Variants in IMMP2L observed in about 807,000 individuals in gnomAD.
IMMP2L encodes the protein mitochondrial inner membrane protease subunit 2.
Under a neutral mutation model 19.3 loss-of-function variants are expected in IMMP2L, and 18 were observed. The observed-to-expected ratio is 0.93, with a 90% CI of 0.64 to 1.38. IMMP2L has a LOEUF of 1.38. IMMP2L is among the 40% of genes most tolerant of loss of function. IMMP2L has a pLI of 0.00. For synonymous variants in IMMP2L, 76 were observed against 73.0 expected, an observed-to-expected ratio of 1.04 and a Z score of -0.21; for missense variants, 233 against 218.2, an observed-to-expected ratio of 1.07 and a Z score of -0.43.
At chr7:111,219,553 A>C (rs1812302398) in intron 3 of IMMP2L, among the ~76,000 whole-genome samples, 1 of 152,068 alleles carries the variant, frequency 6.6e-6, no homozygotes, top group African/African-American at 2.4e-5. Context: ...CATATTATTC[A>C]AATTAAGTGA....
At chr7:111,166,075 GC>G (rs1805782609) in intron 3 of IMMP2L, among the ~76,000 whole-genome samples, 2 of 151,906 alleles carry the variant, frequency 1.3e-5, no homozygotes, top group Non-Finnish European at 2.9e-5. Flanking sequence ...GAAAAAAGTA[GC>G]AATTCATATT....
intron 5 of IMMP2L, among the ~76,000 whole-genome samples, chr7:110,809,385 G>T (rs1338373613): frequency 1.3e-5 from 2 of 151,910 alleles, no homozygotes; most frequent in Non-Finnish European, 2.9e-5. Flanking sequence ...TAGCAAGAAA[G>T]ACCAAAATAT....
chr7:111,127,240 A>G (rs1260584180), intron 3 of IMMP2L, among the ~76,000 whole-genome samples: 1 of 152,182 alleles, frequency 6.6e-6, no homozygotes, highest in African/African-American at 2.4e-5. Flanking sequence ...AGCTTTACAG[A>G]GCTCAGCTAT....
At chr7:110,772,480 A>C (rs1799102721) in intron 5 of IMMP2L, among the ~76,000 whole-genome samples, 1 of 152,058 alleles carries the variant, frequency 6.6e-6, no homozygotes, top group South Asian at 2.1e-4. Flanking sequence ...GTCGTATCAT[A>C]GCTTACTTTT....
intron 5 of IMMP2L, among the ~76,000 whole-genome samples, chr7:110,724,767 CT>C (rs1473452923): frequency 6.6e-6 from 1 of 152,078 alleles, no homozygotes; most frequent in Non-Finnish European, 1.5e-5. Flanking sequence ...ACAAAAATGA[CT>C]ATTTAAGTTC....
chr7:110,685,420 C>T (rs981018035), intron 5 of IMMP2L, among the ~76,000 whole-genome samples: 36 of 152,134 alleles, frequency 2.4e-4, no homozygotes, highest in African/African-American at 8.7e-4. Flanking sequence ...ATACTAACTG[C>T]TATGGCAGCC....
chr7:111,381,154 G>A (rs1831164596), intron 3 of IMMP2L, among the ~76,000 whole-genome samples: 1 of 151,896 alleles, frequency 6.6e-6, no homozygotes, highest in Non-Finnish European at 1.5e-5. Flanking sequence ...GTATTAGTAG[G>A]GTGCAAAGTA....
chr7:111,425,277 C>CTCTAAAAAA (rs1835956001), intron 3 of IMMP2L, among the ~76,000 whole-genome samples: 3 of 151,300 alleles, frequency 2.0e-5, no homozygotes, highest in Non-Finnish European at 4.4e-5. Context: ...TGAGAAGGAC[C>CTCTAAAAAA]ATGAGAGGAC....
chr7:110,779,007 T>C (rs1799572858), intron 5 of IMMP2L, among the ~76,000 whole-genome samples: 1 of 151,938 alleles, frequency 6.6e-6, no homozygotes, highest in African/African-American at 2.4e-5. Flanking sequence ...TGCAGTAACA[T>C]GAATAGAAAG....
At chr7:111,030,312 G>T (rs1356984780) in intron 3 of IMMP2L, among the ~76,000 whole-genome samples, 1 of 151,868 alleles carries the variant, frequency 6.6e-6, no homozygotes, top group African/African-American at 2.4e-5. Context: ...GCTAAAAACT[G>T]ATGCTACTTA....
At chr7:111,173,876 G>A (rs954804872) in intron 3 of IMMP2L, among the ~76,000 whole-genome samples, 8 of 151,576 alleles carry the variant, frequency 5.3e-5, no homozygotes, top group Non-Finnish European at 1.0e-4. Flanking sequence ...AATATCTGTC[G>A]TTCACTGTTC....
At chr7:111,378,910 TA>T (rs1309092138) in intron 3 of IMMP2L, among the ~76,000 whole-genome samples, 2 of 151,902 alleles carry the variant, frequency 1.3e-5, no homozygotes, top group Non-Finnish European at 2.9e-5. Flanking sequence ...CTTAAGGGTG[TA>T]GTTATTCTGC....
chr7:111,386,723 T>A (rs1350141122), intron 3 of IMMP2L, among the ~76,000 whole-genome samples: 1 of 152,198 alleles, frequency 6.6e-6, no homozygotes, highest in African/African-American at 2.4e-5. Flanking sequence ...TCATAATCAC[T>A]GCCCATCAAC....
rs562353251 is a variant in IMMP2L at position 111,354,691 on chromosome 7, G to A, written c.239+132547C>T. On this transcript the variant is annotated intron_variant, in intron 3 of 5. Coordinates refer to ENST00000405709, the MANE Select transcript of IMMP2L (RefSeq NM_032549.4). ...ATAAGAATATTTTGAAATATGGTTG[G>A]AATCAAGATCAACATTAATGGCCTT... Among the ~76,000 whole-genome samples, 43 of 151,712 alleles carry A rather than the reference G, an allele frequency of 2.8e-4. 1 individual carries two copies. The South Asian group carries it at 9.0e-3, about 32-fold the overall frequency.
At chr7:111,004,723 G>T (rs940180662) in intron 3 of IMMP2L, among the ~76,000 whole-genome samples, 2 of 152,090 alleles carry the variant, frequency 1.3e-5, no homozygotes, top group African/African-American at 4.8e-5. Flanking sequence ...TTCTATATGA[G>T]GCATGTGCTT....
At chr7:111,022,972 A>G (rs1356324245) in intron 3 of IMMP2L, among the ~76,000 whole-genome samples, 1 of 152,226 alleles carries the variant, frequency 6.6e-6, no homozygotes, top group Non-Finnish European at 1.5e-5. Context: ...TGAACCGGAC[A>G]CAATACAAAT....
intron 5 of IMMP2L, among the ~76,000 whole-genome samples, chr7:110,788,093 A>G (rs137863589): frequency 5.3e-5 from 8 of 152,044 alleles, no homozygotes; most frequent in African/African-American, 1.9e-4. Flanking sequence ...AATACGCTCT[A>G]AAGTCTTCCA....
intron 3 of IMMP2L, among the ~76,000 whole-genome samples, chr7:111,269,402 C>T (rs1036434164): frequency 2.6e-5 from 4 of 152,106 alleles, no homozygotes; most frequent in Non-Finnish European, 5.9e-5. Context: ...TATATATCAT[C>T]TTGAAAGACA....
intron 3 of IMMP2L, among the ~76,000 whole-genome samples, chr7:111,257,403 T>C (rs1296752367): frequency 6.6e-6 from 1 of 152,190 alleles, no homozygotes; most frequent in Non-Finnish European, 1.5e-5. Flanking sequence ...AAACATGCAA[T>C]TGCAAGTTTA....
Sources: gnomAD v4.1 joint callset for allele counts (sites outside exome capture counted in the v4.1 genomes callset) on GRCh38, gnomAD v4.1.1 for gene constraint, MANE v1.5 for transcripts, NCBI Gene and HGNC (gene_info 2026-07-23, HGNC 2026-07-21) for gene names.